Variants in PTPN22 observed in about 807,000 individuals in gnomAD.
PTPN22 encodes the protein protein tyrosine phosphatase non-receptor type 22, also known as tyrosine-protein phosphatase non-receptor type 22.
PTPN22 carries 85 observed loss-of-function variants against 103.3 expected under a neutral mutation model. The observed-to-expected ratio is 0.82, with a 90% CI of 0.69 to 0.99. PTPN22 has a LOEUF of 0.99. Among genes scored for constraint, PTPN22 ranks in the 50% least tolerant of loss-of-function variants. The probability of loss-of-function intolerance (pLI) is 0.00; values close to 1 mark genes in which losing one functional copy is unlikely to be tolerated. For synonymous variants in PTPN22, 323 were observed against 310.2 expected, an observed-to-expected ratio of 1.04 and a Z score of -0.43; for missense variants, 865 against 936.9, an observed-to-expected ratio of 0.92 and a Z score of 1.00.
intron 11 of PTPN22, among the ~76,000 whole-genome samples, chr1:113,842,884 G>A (rs1477018344): frequency 1.3e-5 from 2 of 150,680 alleles, no homozygotes; most frequent in East Asian, 3.9e-4. Context: ...GGCGGATCAC[G>A]AGGTCAGGAG....
At chr1:113,830,017 T>C in exon 17 of PTPN22, 1 of 1,601,036 alleles carries the variant, frequency 6.2e-7, no homozygotes, top group Non-Finnish European at 8.6e-7. Flanking sequence ...AGAAGAACGA[T>C]CTTGATGTAG....
In PTPN22 at chr1:113,825,753, G is replaced by A. The variant is rs534091842; in HGVS notation, c.2251-581C>T. Among the ~76,000 whole-genome samples, 602 of 152,068 alleles carry A rather than the reference G, an allele frequency of 4.0e-3. 5 individuals are homozygous for A. Among genetic ancestry groups the A allele is most frequent in the African/African-American group, 0.014 (572 of 41,494 alleles). On this transcript the variant is annotated intron_variant, in intron 18 of 20. Transcript: ENST00000359785. ...TGTTGAGATGGAGTCTCGCTGTGTC[G>A]CCCAGGCTAGAGTGCAGTGGCGTGA...
chr1:113,838,671 A>C, intron 11 of PTPN22, 51 bp from the exon 12 acceptor site: 1 of 1,565,114 alleles, frequency 6.4e-7, no homozygotes, highest in Non-Finnish European at 8.6e-7. Flanking sequence ...AATGTCAATA[A>C]GATATTTTAA....
chr1:113,820,139 T>G (rs1394998063), intron 19 of PTPN22, among the ~76,000 whole-genome samples: 1 of 152,178 alleles, frequency 6.6e-6, no homozygotes, highest in Admixed American at 6.5e-5. Flanking sequence ...CCTGATTTTT[T>G]TCTAATTATA....
At chr1:113,834,647 C>T (rs1433302438) in intron 14 of PTPN22, among the ~76,000 whole-genome samples, 1 of 152,150 alleles carries the variant, frequency 6.6e-6, no homozygotes, top group Non-Finnish European at 1.5e-5. Context: ...CAGCCCCCAA[C>T]TCCTGGGCTC....
chr1:113,827,032 C>T (rs1363833794), intron 18 of PTPN22, among the ~76,000 whole-genome samples: 2 of 152,174 alleles, frequency 1.3e-5, no homozygotes, highest in East Asian at 1.9e-4. Flanking sequence ...CACATTTCTT[C>T]AGCATGTATG....
At chr1:113,824,170 T>C (rs1395898643) in intron 19 of PTPN22, among the ~76,000 whole-genome samples, 2 of 152,098 alleles carry the variant, frequency 1.3e-5, no homozygotes, top group Non-Finnish European at 2.9e-5. Context: ...GGCGCAATCT[T>C]GGCTCACCGC....
chr1:113,840,027 C>A (rs1182936066), intron 11 of PTPN22, among the ~76,000 whole-genome samples: 1 of 151,944 alleles, frequency 6.6e-6, no homozygotes, highest in East Asian at 1.9e-4. Flanking sequence ...GCCTGGCCAA[C>A]ATGGTGAAAG....
intron 1 of PTPN22, among the ~76,000 whole-genome samples, chr1:113,860,144 G>A (rs539822679): frequency 1.3e-5 from 2 of 151,766 alleles, no homozygotes; most frequent in Non-Finnish European, 2.9e-5. Context: ...CATCACACCT[G>A]GATAGTTCTC....
At chr1:113,856,256 T>A in intron 7 of PTPN22, 126 bp downstream of exon 7, 1 of 1,286,700 alleles carries the variant, frequency 7.8e-7, no homozygotes, top group Non-Finnish European at 1.0e-6. Context: ...ATATGAAGAC[T>A]CATTCATGAC....
At chr1:113,825,154 T>G in exon 19 of PTPN22, 1 of 1,508,598 alleles carries the variant, frequency 6.6e-7, no homozygotes, top group Non-Finnish European at 9.1e-7. Flanking sequence ...TTTTTCATGT[T>G]TCGCAAAATT....
chr1:113,871,649 T>C lies in PTPN22; in HGVS notation c.-26A>G, dbSNP rs549026354. On this transcript the variant is annotated 5_prime_UTR_variant, in exon 1 of 21. Coordinates refer to ENST00000359785, the Ensembl canonical transcript of PTPN22. ...GCTGCAGAGCAAGAAAAATAGTCTA[T>C]AAGTAGGTTGAGGGAGGGCATGTCA... The C allele has an allele frequency of 1.0e-4, 163 of 1,607,708 alleles. 1 individual carries two copies. The South Asian group carries it at 1.6e-3, about 16-fold the overall frequency.
intron 15 of PTPN22, among the ~76,000 whole-genome samples, chr1:113,833,686 T>A (rs1662742791): frequency 6.6e-6 from 1 of 152,212 alleles, no homozygotes; most frequent in Non-Finnish European, 1.5e-5. Flanking sequence ...CATTTTTAGA[T>A]ACACTTCTAT....
chr1:113,854,741 G>A (rs1444573433), intron 8 of PTPN22, among the ~76,000 whole-genome samples, 166 bp downstream of exon 8: 1 of 152,172 alleles, frequency 6.6e-6, no homozygotes, highest in Non-Finnish European at 1.5e-5. Flanking sequence ...CTCTAGAACT[G>A]TACTACTCAC....
chr1:113,837,846 A>C (rs1449249050), exon 13 of PTPN22: 1 of 1,613,820 alleles, frequency 6.2e-7, no homozygotes. Context: ...CACTAGAGTC[A>C]TGGTGCTTTA....
chr1:113,830,590 C>T (rs894289305), intron 16 of PTPN22, among the ~76,000 whole-genome samples: 1 of 151,888 alleles, frequency 6.6e-6, no homozygotes, highest in African/African-American at 2.4e-5. Flanking sequence ...TTGAATAAAC[C>T]AACTGTAAAA....
At chr1:113,851,353 C>T (rs1664553589) in intron 10 of PTPN22, among the ~76,000 whole-genome samples, 1 of 152,070 alleles carries the variant, frequency 6.6e-6, no homozygotes, top group Admixed American at 6.6e-5. Context: ...AGGGTTTCAG[C>T]ATATTGGTCA....
At chr1:113,851,906 A>T in intron 10 of PTPN22, 121 bp downstream of exon 10, 2 of 591,134 alleles carry the variant, frequency 3.4e-6, no homozygotes, top group Non-Finnish European at 5.7e-6. Flanking sequence ...AATGGACTCT[A>T]GAGCACGTAA....
intron 19 of PTPN22, among the ~76,000 whole-genome samples, chr1:113,822,797 T>C (rs1407717806): frequency 6.6e-6 from 1 of 152,102 alleles, no homozygotes; most frequent in Non-Finnish European, 1.5e-5. Flanking sequence ...TTGTCTCTAC[T>C]AAAAATACAA....
Sources: allele counts gnomAD v4.1 joint callset (sites outside exome capture counted in the v4.1 genomes callset), GRCh38; gene constraint gnomAD v4.1.1; transcripts MANE v1.5; gene names NCBI Gene and HGNC (gene_info 2026-07-23, HGNC 2026-07-21).